CP: variants seen among roughly 807,000 people sequenced by gnomAD.
The protein encoded by CP is ceruloplasmin, also known as caeruloplasmin.
Under a neutral mutation model 122.4 loss-of-function variants are expected in CP, and 64 were observed. The observed-to-expected ratio is 0.52, with a 90% confidence interval of 0.43 to 0.64. The LOEUF (loss-of-function observed/expected upper bound fraction) is 0.64. CP is among the 30% of genes least tolerant of loss of function. CP has a pLI of 0.00. For synonymous variants in CP, 440 were observed against 436.4 expected, an observed-to-expected ratio of 1.01 and a Z score of -0.10; for missense variants, 1,167 against 1,284.4, an observed-to-expected ratio of 0.91 and a Z score of 1.40.
rs1205265681 is a variant in CP at position 149,167,354 on chromosome 3, T to C, written c.587-1304A>G. On this transcript the variant is annotated intron_variant, in intron 4 of 5. Coordinates refer to the CP transcript ENST00000479771. Reference sequence around the variant, plus strand: ...TTATGCTAATCCAACATCATAAGGCTGTGTGGGTCCATTGAGCATATATGT... The same window carrying C: ...TTATGCTAATCCAACATCATAAGGCCGTGTGGGTCCATTGAGCATATATGT... The C allele has an allele frequency of 1.5e-5, 12 of 805,268 alleles. No individual in the cohort carries two copies. In the East Asian group the frequency reaches 2.9e-4, roughly 20 times the overall value. The allele number at this position is 805,268 out of a possible 1,614,324, so 49.9% of individuals were successfully genotyped here.
chr3:149,201,607 T>G (rs1488113309), intron 7 of CP, among the ~76,000 whole-genome samples: 1 of 152,044 alleles, frequency 6.6e-6, no homozygotes, highest in Admixed American at 6.5e-5. Flanking sequence ...GTTTTGTTTT[T>G]TGAGATGTAG....
intron 5 of CP, 23 bp downstream of exon 5, chr3:149,207,340 A>G (rs1200047797): frequency 6.2e-7 from 1 of 1,613,752 alleles, no homozygotes; most frequent in Admixed American, 1.7e-5. Context: ...GCTGACTGCT[A>G]ATTTCAGGTA....
Position 149,178,650 on chromosome 3 carries a change from T to C in CP, c.2662-19A>G. ...AGAGGTCCTGGAAACAAGAAAAATCTTCAGTAACCCTTGTGAATTAGGTCA... is the reference window on the plus strand; with the variant it reads ...AGAGGTCCTGGAAACAAGAAAAATCCTCAGTAACCCTTGTGAATTAGGTCA... On this transcript the variant is annotated intron_variant, in intron 15 of 18. Transcript: ENST00000264613. 6.5e-7 allele frequency: 1 copy of C among 1,538,512 alleles called. No individual in the cohort carries two copies. Among genetic ancestry groups the C allele is most frequent in the Non-Finnish European group, 9.0e-7 (1 of 1,115,800 alleles).
Position 149,183,574 on chromosome 3 carries a change from A to C in CP, c.2317T>G (p.Phe773Val), listed in dbSNP as rs1374243181. The change falls in exon 13 of 19, where the codon TTT becomes GTT. Residue 773 changes from phenylalanine to valine, a missense_variant. This residue lies in a region of CP where 525 missense variants were observed against 657.2 expected (regional missense o/e 0.80). Transcript: ENST00000264613. ...TTCTTGTACTTTGAGCCTATGTAAA[A>C]CTCTCCCTTATCTAAAAATGCATTT... ...VSNAFLDKGE[F>V]YIGSKYKKVV... The C allele has an allele frequency of 6.2e-7, 1 of 1,603,884 alleles. No individual in the cohort carries two copies. The highest frequency in any genetic ancestry group is 2.2e-5 in the East Asian group (1 of 44,788).
intron 15 of CP, among the ~76,000 whole-genome samples, chr3:149,179,351 C>A (rs1010578170): frequency 6.6e-6 from 1 of 152,092 alleles, no homozygotes; most frequent in African/African-American, 2.4e-5. Flanking sequence ...TCTTGAAAGG[C>A]CTTTGAGCTG....
intron 2 of CP, among the ~76,000 whole-genome samples, chr3:149,212,079 G>A (rs927582477): frequency 4.0e-5 from 6 of 151,804 alleles, no homozygotes; most frequent in Admixed American, 3.3e-4. Context: ...AGATCAGGAG[G>A]TCAGGAGATC....
chr3:149,203,153 C>T (rs573099944), intron 6 of CP, among the ~76,000 whole-genome samples: 7 of 152,298 alleles, frequency 4.6e-5, no homozygotes, highest in African/African-American at 9.6e-5. Flanking sequence ...GTGATCCGCC[C>T]GTCTCGGCTT....
rs3732557 is a variant in CP, at chr3:149,163,886, C to G, written c.*14-1011G>C. The G allele has an allele frequency of 6.3e-7, 1 of 1,579,434 alleles. No individual in the cohort carries two copies. The highest frequency in any genetic ancestry group is 1.7e-5 in the Admixed American group (1 of 59,878). On this transcript the variant is annotated intron_variant, in intron 5 of 5. Transcript: ENST00000479771. ...ATGGCTTAATTTATCCATGGGTTCA[C>G]GTCGTAATATCATCTGATTCTTTAG...
Position 149,199,706 on chromosome 3 carries a change from A to G in CP, c.1501+6T>C. 6.2e-7 allele frequency: 1 copy of G among 1,613,870 alleles called. No homozygotes were observed. Among genetic ancestry groups the G allele is most frequent in the South Asian group, 1.1e-5 (1 of 91,070 alleles). On this transcript the variant is annotated splice_donor_region_variant and intron_variant, in intron 8 of 18. Transcript: ENST00000264613. ...GTTGATTTGTTACACAGTGCTGTAT[A>G]CTCACTTCTGCTCTGGGGGTTGTAA...
intron 17 of CP, 64 bp from the exon 18 acceptor site, chr3:149,176,476 T>C: frequency 7.6e-7 from 1 of 1,310,590 alleles, no homozygotes; most frequent in Non-Finnish European, 1.1e-6. Flanking sequence ...ATGTCATTTG[T>C]TAATGTTCAG....
chr3:149,209,128 T>A, intron 4 of CP, 83 bp downstream of exon 4: 4 of 1,549,042 alleles, frequency 2.6e-6, no homozygotes, highest in African/African-American at 1.4e-5. Context: ...ACACAGTACT[T>A]ATTTATGTGA....
chr3:149,179,663 C>G lies in CP; in HGVS notation c.2555-1G>C. 1 of 1,561,886 alleles carries G rather than the reference C, an allele frequency of 6.4e-7. No homozygotes were observed. Among genetic ancestry groups the G allele is most frequent in the East Asian group, 2.5e-5 (1 of 39,908 alleles). On this transcript the variant is annotated splice_acceptor_variant, in intron 14 of 18. Coordinates refer to ENST00000264613, the MANE Select transcript of CP (RefSeq NM_000096.4). LOFTEE classifies it high-confidence loss of function. Reference sequence around the variant, plus strand: ...TTCCATACGTAAGTGAGAGTTTCACCTAAATTCATCAAGTGTTAATGGATC... The same window carrying G: ...TTCCATACGTAAGTGAGAGTTTCACGTAAATTCATCAAGTGTTAATGGATC...
At chr3:149,196,225 G>C (rs896912650) in intron 9 of CP, among the ~76,000 whole-genome samples, 1 of 152,084 alleles carries the variant, frequency 6.6e-6, no homozygotes, top group Non-Finnish European at 1.5e-5. Flanking sequence ...TGTTGGTGTC[G>C]TGGAAAAAAT....
chr3:149,178,249 G>A (rs1725547021), intron 16 of CP, among the ~76,000 whole-genome samples, 166 bp downstream of exon 16: 1 of 152,136 alleles, frequency 6.6e-6, no homozygotes, highest in Non-Finnish European at 1.5e-5. Flanking sequence ...AAATGATTTT[G>A]AACATAGTCC....
chr3:149,202,536 C>A (rs917518639), intron 6 of CP, among the ~76,000 whole-genome samples: 19 of 147,454 alleles, frequency 1.3e-4, no homozygotes, highest in Non-Finnish European at 2.7e-4. Flanking sequence ...ACCATAGAAT[C>A]TTTTTATCAA....
intron 9 of CP, among the ~76,000 whole-genome samples, chr3:149,188,562 A>G (rs1726343593): frequency 6.7e-6 from 1 of 149,664 alleles, no homozygotes; most frequent in Admixed American, 6.7e-5. Flanking sequence ...GAAATCAGGG[A>G]AGATTTCACA....
intron 12 of CP, 52 bp from the exon 13 acceptor site, chr3:149,183,657 T>G: frequency 7.7e-7 from 1 of 1,300,530 alleles, no homozygotes; most frequent in Non-Finnish European, 1.1e-6. Context: ...AAAATGTAAC[T>G]TAAGTTTTAA....
intron 6 of CP, among the ~76,000 whole-genome samples, chr3:149,204,447 T>C (rs966906946): frequency 6.6e-6 from 1 of 152,114 alleles, no homozygotes; most frequent in African/African-American, 2.4e-5. Context: ...GGAGAGGAGT[T>C]TGAATAGCCT....
chr3:149,189,812 G>C (rs1324357916), intron 9 of CP, among the ~76,000 whole-genome samples: 1 of 152,010 alleles, frequency 6.6e-6, no homozygotes, highest in Non-Finnish European at 1.5e-5. Context: ...CATGTTTTCT[G>C]ATCATAATGC....
Sources: allele counts gnomAD v4.1 joint callset (sites outside exome capture counted in the v4.1 genomes callset), GRCh38; gene constraint gnomAD v4.1.1; regional missense constraint gnomAD v4.1.1; transcripts MANE v1.5; gene names NCBI Gene and HGNC (gene_info 2026-07-23, HGNC 2026-07-21).